The following CNTNAP2 variants were observed in gnomAD, a reference collection of about 807,000 sequenced individuals.
CNTNAP2 encodes the protein contactin associated protein 2, also known as contactin-associated protein-like 2.
Under a neutral mutation model 155.2 loss-of-function variants are expected in CNTNAP2, and 98 were observed. That is an observed-to-expected ratio of 0.63 (90% CI 0.54 to 0.75). CNTNAP2 has a LOEUF of 0.75. CNTNAP2 is among the 30% of genes least tolerant of loss of function. The pLI is 0.00. For synonymous variants in CNTNAP2, 651 were observed against 631.2 expected, an observed-to-expected ratio of 1.03 and a Z score of -0.47; for missense variants, 1,727 against 1,688.1, an observed-to-expected ratio of 1.02 and a Z score of -0.40.
chr7:148,183,475 C>CTTTTTTTT (rs71527885), intron 18 of CNTNAP2, among the ~76,000 whole-genome samples: 103 of 82,202 alleles, frequency 1.3e-3, no homozygotes, highest in Middle Eastern at 9.6e-3. Context: ...TACTTATTTG[C>CTTTTTTTT]TTTTTTTTTT....
At chr7:148,122,193 G>T (rs1250792252) in intron 16 of CNTNAP2, among the ~76,000 whole-genome samples, 1 of 152,162 alleles carries the variant, frequency 6.6e-6, no homozygotes, top group Non-Finnish European at 1.5e-5. Flanking sequence ...CCTGGCCAAG[G>T]TCATACAGCC....
chr7:147,777,090 A>G (rs185244765), intron 13 of CNTNAP2, among the ~76,000 whole-genome samples: 88 of 152,164 alleles, frequency 5.8e-4, no homozygotes, highest in African/African-American at 1.9e-3. Context: ...TATGATGACT[A>G]TGCTTAAGTT....
chr7:146,627,267 T>C (rs1049236457), intron 1 of CNTNAP2, among the ~76,000 whole-genome samples: 2 of 152,232 alleles, frequency 1.3e-5, no homozygotes, highest in African/African-American at 4.8e-5. Flanking sequence ...CATGTGAGAA[T>C]TGTGGGAGTT....
At chr7:146,679,369 G>A (rs75659774) in intron 1 of CNTNAP2, among the ~76,000 whole-genome samples, 266 of 19,304 alleles carry the variant, frequency 0.014, 5 homozygotes, top group African/African-American at 0.031. Flanking sequence ...TTTTTTTTTG[G>A]AGACAGAGTC....
At chr7:147,850,993 G>C (rs914433841) in intron 13 of CNTNAP2, among the ~76,000 whole-genome samples, 2 of 152,086 alleles carry the variant, frequency 1.3e-5, no homozygotes, top group Admixed American at 6.6e-5. Flanking sequence ...GCAACCTACA[G>C]AATGGGAAAA....
chr7:146,422,692 C>G (rs1211407761), intron 1 of CNTNAP2, among the ~76,000 whole-genome samples: 5 of 151,968 alleles, frequency 3.3e-5, no homozygotes, highest in African/African-American at 1.2e-4. Context: ...TTCTACATTG[C>G]CCAGGCTGGT....
At chr7:146,783,353 T>G (rs1459719291) in intron 2 of CNTNAP2, among the ~76,000 whole-genome samples, 3 of 152,202 alleles carry the variant, frequency 2.0e-5, no homozygotes, top group Non-Finnish European at 4.4e-5. Flanking sequence ...ACCTCACAGA[T>G]TTCATATCCA....
chr7:148,095,103 T>A (rs779674210), intron 15 of CNTNAP2, among the ~76,000 whole-genome samples: 23 of 152,206 alleles, frequency 1.5e-4, no homozygotes, highest in Non-Finnish European at 3.1e-4. Context: ...GGCTACAGGC[T>A]ACATGCCAAG....
At chr7:146,785,938 G>A (rs1802567821) in intron 2 of CNTNAP2, among the ~76,000 whole-genome samples, 1 of 152,126 alleles carries the variant, frequency 6.6e-6, no homozygotes, top group African/African-American at 2.4e-5. Flanking sequence ...ACTGTATCTG[G>A]CTCATAAGAA....
intron 13 of CNTNAP2, among the ~76,000 whole-genome samples, chr7:147,648,736 C>G (rs1795406349): frequency 6.6e-6 from 1 of 152,170 alleles, no homozygotes; most frequent in African/African-American, 2.4e-5. Context: ...CCAGGTCCCT[C>G]CCACAACACG....
At chr7:147,221,395 C>T (rs1803396027) in intron 8 of CNTNAP2, among the ~76,000 whole-genome samples, 1 of 152,030 alleles carries the variant, frequency 6.6e-6, no homozygotes, top group African/African-American at 2.4e-5. Flanking sequence ...ACTGAGCAGC[C>T]AGCAATACCT....
At chr7:147,362,300 T>A (rs1358615043) in intron 9 of CNTNAP2, among the ~76,000 whole-genome samples, 1 of 152,076 alleles carries the variant, frequency 6.6e-6, no homozygotes, top group East Asian at 1.9e-4. Flanking sequence ...ACCAGCTAAT[T>A]TTTCTCTTAC....
At chr7:147,337,712 A>C (rs1795688774) in intron 9 of CNTNAP2, among the ~76,000 whole-genome samples, 1 of 152,144 alleles carries the variant, frequency 6.6e-6, no homozygotes, top group Admixed American at 6.5e-5. Context: ...CAAAACAACA[A>C]AAACAAATCC....
At chr7:147,151,945 T>C (rs547756745) in intron 8 of CNTNAP2, among the ~76,000 whole-genome samples, 4 of 152,264 alleles carry the variant, frequency 2.6e-5, no homozygotes, top group South Asian at 4.1e-4. Context: ...ATTGCTAAGA[T>C]TGGATGTACT....
chr7:147,427,516 A>G (rs1797398855), intron 10 of CNTNAP2, among the ~76,000 whole-genome samples: 2 of 152,182 alleles, frequency 1.3e-5, no homozygotes, highest in Non-Finnish European at 1.5e-5. Context: ...AAATGTAGAA[A>G]TAAAACCAGG....
intron 17 of CNTNAP2, among the ~76,000 whole-genome samples, chr7:148,155,988 G>C (rs10228780): frequency 0.012 from 1,868 of 152,284 alleles, 45 homozygotes; most frequent in African/African-American, 0.043. Flanking sequence ...CCGGCCCCTT[G>C]TGGAGCACTC....
intron 3 of CNTNAP2, among the ~76,000 whole-genome samples, chr7:146,990,114 A>G (rs926607086): frequency 9.9e-5 from 15 of 152,202 alleles, no homozygotes; most frequent in Non-Finnish European, 1.8e-4. Context: ...GCAAGAGGAC[A>G]TAGTTACACA....
intron 13 of CNTNAP2, among the ~76,000 whole-genome samples, chr7:147,737,659 G>A (rs1209242197): frequency 6.6e-6 from 1 of 152,186 alleles, no homozygotes; most frequent in Non-Finnish European, 1.5e-5. Context: ...GCTGCAGTGG[G>A]CTCCACCCAG....
chr7:147,750,099 A>G (rs1311869650), intron 13 of CNTNAP2, among the ~76,000 whole-genome samples: 1 of 152,216 alleles, frequency 6.6e-6, no homozygotes, highest in Non-Finnish European at 1.5e-5. Context: ...CTGTATTGAA[A>G]TCTTGTTCCA....
Sources: allele counts gnomAD v4.1 joint callset (sites outside exome capture counted in the v4.1 genomes callset), GRCh38; gene constraint gnomAD v4.1.1; transcripts MANE v1.5; gene names NCBI Gene and HGNC (gene_info 2026-07-23, HGNC 2026-07-21).